The following TSPEAR variants were observed in gnomAD, a reference collection of about 807,000 sequenced individuals.
TSPEAR encodes the protein thrombospondin type laminin G domain and EAR repeats.
In TSPEAR, 69 loss-of-function variants were observed where a neutral mutation model predicts 71.6. The observed-to-expected ratio is 0.96, with a 90% confidence interval of 0.79 to 1.18. The LOEUF (loss-of-function observed/expected upper bound fraction) is 1.18. Ranked by LOEUF, TSPEAR falls within the 50% of genes most tolerant of loss-of-function variation. The probability of loss-of-function intolerance (pLI) is 0.00; values close to 1 mark genes in which losing one functional copy is unlikely to be tolerated. For synonymous variants in TSPEAR, 402 were observed against 387.2 expected (o/e 1.04, Z -0.45); for missense variants, 971 against 894.9 (o/e 1.09, Z -1.09).
intron 2 of TSPEAR, chr21:44,538,900 T>C: frequency 3.3e-6 from 1 of 303,270 alleles, no homozygotes; most frequent in Non-Finnish European, 6.2e-6. Flanking sequence ...AAGTCACTCA[T>C]TCCTAAAAAT....
chr21:44,504,927 AG>A, intron 10 of TSPEAR, 46 bp from the exon 11 acceptor site: 1 of 1,505,914 alleles, frequency 6.6e-7, no homozygotes, highest in Non-Finnish European at 9.2e-7. Flanking sequence ...AGACATCGCC[AG>A]GGAACTGGGG....
Position 44,567,991 on chromosome 21 carries a change from C to G in TSPEAR, c.97G>C (p.Asp33His). The G allele has an allele frequency of 6.5e-7, 1 of 1,540,786 alleles. No homozygotes were observed. Residue 33 changes from aspartate (D) to histidine (H), a missense_variant, in exon 2 of 12, where the codon GAC becomes CAC. Asp to His is a moderately conservative substitution (Grantham distance 81). Transcript: ENST00000323084. ...GAAGGGACCACTTCCGCCAGGATGT[C>G]CAGGGGGCGCAGGTCTGTGGCAAAG... ...WEPCTDLRPL[D>H]ILAEVVPSDG... is the part of the protein sequence containing the mutation.
At position 44,600,598 on chromosome 21, in the gene TSPEAR, A is replaced by G. The variant is rs782641201; in HGVS notation, c.83-32593T>C. 3.1e-6 allele frequency: 5 copies of G among 1,602,910 alleles called. No homozygotes were observed. The East Asian group carries it at 1.1e-4, about 36-fold the overall frequency. On this transcript the variant is annotated intron_variant, in intron 1 of 11. Transcript: ENST00000323084. Reference sequence around the variant, plus strand: ...TTCACTCACTCACCCACTCACTCCCATCTCCTCCAGTTCAATCCCCAGCAT... The same window carrying G: ...TTCACTCACTCACCCACTCACTCCCGTCTCCTCCAGTTCAATCCCCAGCAT...
chr21:44,521,957 C>A lies in TSPEAR; in HGVS notation c.1492G>T (p.Gly498Cys). The A allele has an allele frequency of 6.2e-7, 1 of 1,614,010 alleles. No homozygotes were observed. Among genetic ancestry groups the A allele is most frequent in the Non-Finnish European group, 8.5e-7 (1 of 1,179,982 alleles). ...SFLVVANTFNGTSTKVHSHLY... is the reference protein window; with the variant it reads ...SFLVVANTFNCTSTKVHSHLY... ...TGCGAGTGCACCTTGGTGGAGGTGC[C>A]GTTGAAGGTGTTGGCCACCACCAGG... The change falls in exon 9 of 12, where the codon GGC becomes TGC. Residue 498 changes from glycine (G) to cysteine (C), a missense_variant. Gly to Cys is a radical substitution (Grantham distance 159). Coordinates refer to ENST00000323084, the MANE Select transcript of TSPEAR (RefSeq NM_144991.3).
At chr21:44,601,695 C>T (rs1555928895) in intron 1 of TSPEAR, 1 of 1,612,358 alleles carries the variant, frequency 6.2e-7, no homozygotes, top group African/African-American at 1.3e-5. Flanking sequence ...CCCGCCCGGC[C>T]TGCTGTGGCC....
chr21:44,637,956 C>A (rs781960035), intron 1 of TSPEAR: 19 of 1,613,986 alleles, frequency 1.2e-5, no homozygotes, highest in African/African-American at 2.7e-5. Flanking sequence ...GCTTGCTGCA[C>A]CGCCTCCTGC....
At chr21:44,565,246 C>T (rs1336784512) in intron 2 of TSPEAR, among the ~76,000 whole-genome samples, 2 of 152,040 alleles carry the variant, frequency 1.3e-5, no homozygotes, top group Non-Finnish European at 2.9e-5. Flanking sequence ...CAACTCAAAG[C>T]AAGCACAATG....
At chr21:44,550,858 C>A in intron 2 of TSPEAR, 1 of 1,529,936 alleles carries the variant, frequency 6.5e-7, no homozygotes, top group Non-Finnish European at 8.9e-7. Context: ...CCAGAGCAAA[C>A]AGGTACACAG....
At position 44,644,804 on chromosome 21, in the gene TSPEAR, C is replaced by T. The variant is rs587648771; in HGVS notation, c.82+66629G>A. On this transcript the variant is annotated intron_variant, in intron 1 of 11. Transcript: ENST00000323084. ...TATTATTAAAAATGGAAAAACACTT[C>T]GGAGATAAGTCTTTATATTGAAAGG... 3.9e-5 allele frequency among the ~76,000 whole-genome samples: 6 copies of T among 152,238 alleles called. No homozygotes were observed. The East Asian group carries it at 5.8e-4, about 15-fold the overall frequency.
chr21:44,600,215 C>T (rs1231834741), intron 1 of TSPEAR, among the ~76,000 whole-genome samples: 1 of 152,162 alleles, frequency 6.6e-6, no homozygotes, highest in East Asian at 1.9e-4. Flanking sequence ...CAAGCAGAGT[C>T]CCCTGGCGAT....
At chr21:44,705,809 C>T (rs1421052208) in intron 1 of TSPEAR, among the ~76,000 whole-genome samples, 8 of 152,066 alleles carry the variant, frequency 5.3e-5, no homozygotes, top group South Asian at 2.1e-4. Flanking sequence ...TCTCGCCCTG[C>T]CTCCACTGGC....
chr21:44,623,369 G>A lies in TSPEAR; in HGVS notation c.83-55364C>T, dbSNP rs587633844. Reference sequence around the variant, plus strand: ...TATATTATTTCCCAGATAGTATAGTGTACTAAGACTGCTTTAACTTCATGT... The same window carrying A: ...TATATTATTTCCCAGATAGTATAGTATACTAAGACTGCTTTAACTTCATGT... On this transcript the variant is annotated intron_variant, in intron 1 of 11. Transcript: ENST00000323084. This position sits in a 1 kb window ranked among gnomAD's most constrained non-coding sequence, Gnocchi z 4.5. Among the ~76,000 whole-genome samples the A allele has an allele frequency of 1.3e-5, 2 of 152,232 alleles. No individual in the cohort carries two copies. Among genetic ancestry groups the A allele is most frequent in the South Asian group, 4.1e-4 (2 of 4,820 alleles).
chr21:44,525,287 T>G (rs2052831255), intron 8 of TSPEAR, among the ~76,000 whole-genome samples: 1 of 152,052 alleles, frequency 6.6e-6, no homozygotes. Context: ...GGTAATTTAG[T>G]CAATCAGTCA....
rs1978912952 is a variant in TSPEAR, at chr21:44,580,693, A to G, written c.83-12688T>C. ...GTGCTCAGGGCTGTGGGGCTTTTAAATCCCTCCCTGGCGTGTGTTGTCCCG... is the reference window on the plus strand; with the variant it reads ...GTGCTCAGGGCTGTGGGGCTTTTAAGTCCCTCCCTGGCGTGTGTTGTCCCG... On this transcript the variant is annotated intron_variant, in intron 1 of 11. Coordinates refer to ENST00000323084, the MANE Select transcript of TSPEAR (RefSeq NM_144991.3). 6 of 1,114,864 alleles carry G rather than the reference A, an allele frequency of 5.4e-6. No homozygotes were observed. In the South Asian group the frequency reaches 7.4e-5, roughly 14 times the overall value. 69.1% of individuals were successfully genotyped at this position (1,114,864 alleles called of 1,614,324 possible).
At chr21:44,708,198 G>C (rs1388548044) in intron 1 of TSPEAR, among the ~76,000 whole-genome samples, 1 of 152,074 alleles carries the variant, frequency 6.6e-6, no homozygotes, top group East Asian at 1.9e-4. Flanking sequence ...CCCCCAGCAG[G>C]GGGGACTGCA....
At chr21:44,661,543 G>A (rs1985497123) in intron 1 of TSPEAR, among the ~76,000 whole-genome samples, 1 of 152,186 alleles carries the variant, frequency 6.6e-6, no homozygotes, top group Non-Finnish European at 1.5e-5. Context: ...TTGAAAGGAC[G>A]TATTAGGCTA....
chr21:44,530,080 G>A lies in TSPEAR; in HGVS notation c.634-126C>T, dbSNP rs919742617. On this transcript the variant is annotated intron_variant, in intron 4 of 11. Transcript: ENST00000323084. ...TCGGGTGGATGGAATCTAAGCTTTT[G>A]CAGAGCTAACTGGGAAGAGTTTACA... 8 of 994,562 alleles carry A rather than the reference G, an allele frequency of 8.0e-6. No individual in the cohort carries two copies. In the African/African-American group the frequency reaches 1.3e-4, roughly 16 times the overall value. 61.6% of individuals were successfully genotyped at this position (994,562 alleles called of 1,614,324 possible).
rs782218526 is a variant in TSPEAR at position 44,499,902 on chromosome 21, T to C, written c.1891A>G (p.Ser631Gly). Residue 631 changes from serine (S) to glycine (G), a missense_variant, in exon 12 of 12, where the codon AGC becomes GGC. Physicochemically the swap from Ser to Gly is moderately conservative, Grantham distance 56. Coordinates refer to ENST00000323084, the MANE Select transcript of TSPEAR (RefSeq NM_144991.3). Reference protein sequence around the residue: ...QGYEGFVAVHSLPTVGCRDWE... With the variant: ...QGYEGFVAVHGLPTVGCRDWE... The stretch of plus-strand genomic sequence containing the variant: ...TCCCTGCAGCCGACGGTGGGGAGGC[T>C]GTGCACCGCCACGAAGCCCTCGTAG... 3 of 1,607,788 alleles carry C rather than the reference T, an allele frequency of 1.9e-6. No individual in the cohort carries two copies. Among genetic ancestry groups the C allele is most frequent in the South Asian group, 1.1e-5 (1 of 90,390 alleles).
chr21:44,572,241 A>G (rs2146080742), intron 1 of TSPEAR, among the ~76,000 whole-genome samples: 1 of 152,324 alleles, frequency 6.6e-6, no homozygotes, highest in South Asian at 2.1e-4. Context: ...GTCACAAACC[A>G]GAGAAGTCGA....
Sources: gnomAD v4.1 joint callset for allele counts (sites outside exome capture counted in the v4.1 genomes callset) on GRCh38, gnomAD v4.1.1 for gene constraint, Gnocchi (gnomAD v3.1) non-coding constraint, MANE v1.5 for transcripts, NCBI Gene and HGNC (gene_info 2026-07-23, HGNC 2026-07-21) for gene names.